SPAG9: variants seen among roughly 807,000 people sequenced by gnomAD.
SPAG9 encodes C-Jun-amino-terminal kinase-interacting protein 4.
In SPAG9, 35 loss-of-function variants were observed where a neutral mutation model predicts 166.5. That is an observed-to-expected ratio of 0.21 (90% CI 0.16 to 0.28). The LOEUF (loss-of-function observed/expected upper bound fraction) is 0.28, where lower values mean the gene tolerates loss of function less well. SPAG9 is among the 10% of genes least tolerant of loss of function. The pLI, the probability that SPAG9 is intolerant of heterozygous loss-of-function variation, is 1.00. For synonymous variants in SPAG9, 534 were observed against 565.5 expected (o/e 0.94, Z 0.79); for missense variants, 1,235 against 1,603.3 (o/e 0.77, Z 3.92).
intron 12 of SPAG9, 32 bp downstream of exon 12, chr17:51,005,180 G>A (rs774429246): frequency 1.3e-5 from 20 of 1,597,408 alleles, no homozygotes; most frequent in Non-Finnish European, 1.6e-5. Context: ...ACATGGTAAG[G>A]TAAGAAAAAA....
At chr17:51,067,164 C>T (rs979235815) in intron 2 of SPAG9, among the ~76,000 whole-genome samples, 1 of 151,940 alleles carries the variant, frequency 6.6e-6, no homozygotes, top group Non-Finnish European at 1.5e-5. Flanking sequence ...CACACATACA[C>T]CAAGATCAAA....
chr17:51,035,329 A>C (rs1014658296), intron 5 of SPAG9, among the ~76,000 whole-genome samples: 1 of 152,212 alleles, frequency 6.6e-6, no homozygotes, highest in African/African-American at 2.4e-5. Flanking sequence ...TGCTGCGTGA[A>C]GGGTATATGG....
intron 6 of SPAG9, among the ~76,000 whole-genome samples, chr17:51,024,687 T>C (rs2046083859): frequency 6.9e-6 from 1 of 144,920 alleles, no homozygotes; most frequent in Non-Finnish European, 1.5e-5. Flanking sequence ...CACTCCAGTC[T>C]GGGCAAAAAG....
At chr17:51,073,223 G>A (rs991296525) in intron 2 of SPAG9, among the ~76,000 whole-genome samples, 3 of 151,992 alleles carry the variant, frequency 2.0e-5, no homozygotes, top group African/African-American at 7.3e-5. Flanking sequence ...AGCTACTCGG[G>A]AGGCTGAGGC....
intron 1 of SPAG9, among the ~76,000 whole-genome samples, chr17:51,098,734 C>T (rs1272128082): frequency 6.6e-5 from 10 of 151,828 alleles, no homozygotes; most frequent in Admixed American, 6.6e-5. Context: ...TCAGGTGATC[C>T]GCCCCCCTCG....
At chr17:51,069,031 T>G (rs989265354) in intron 2 of SPAG9, among the ~76,000 whole-genome samples, 4 of 152,170 alleles carry the variant, frequency 2.6e-5, no homozygotes, top group Non-Finnish European at 4.4e-5. Flanking sequence ...ACAGCTGATA[T>G]ATATTGTTTA....
chr17:51,119,498 G>C (rs933985497), intron 1 of SPAG9, among the ~76,000 whole-genome samples: 3 of 152,124 alleles, frequency 2.0e-5, no homozygotes, highest in Non-Finnish European at 4.4e-5. Context: ...AACTCCAAAA[G>C]GTTCACAGAG....
intron 29 of SPAG9, among the ~76,000 whole-genome samples, chr17:50,970,173 C>T (rs983600094): frequency 6.6e-5 from 10 of 152,210 alleles, no homozygotes; most frequent in African/African-American, 2.4e-4. Context: ...ACATTGACCA[C>T]ATCCTGCTAT....
intron 1 of SPAG9, among the ~76,000 whole-genome samples, chr17:51,082,268 G>A (rs986304091): frequency 6.6e-6 from 1 of 151,402 alleles, no homozygotes; most frequent in Non-Finnish European, 1.5e-5. Flanking sequence ...CCAGCTACTC[G>A]GGAGGCTGAG....
chr17:51,048,271 C>T (rs2047086129), intron 3 of SPAG9, among the ~76,000 whole-genome samples: 1 of 151,708 alleles, frequency 6.6e-6, no homozygotes, highest in Admixed American at 6.6e-5. Context: ...TTTAAAAAGC[C>T]TAAATTTGGA....
intron 21 of SPAG9, among the ~76,000 whole-genome samples, chr17:50,989,020 T>C (rs563899295): frequency 5.3e-5 from 8 of 150,008 alleles, no homozygotes; most frequent in African/African-American, 2.0e-4. Context: ...GAATTACTTA[T>C]AGAATGGAAG....
chr17:51,053,855 GTATATATATATA>G (rs1161592026), intron 3 of SPAG9, among the ~76,000 whole-genome samples: 797 of 37,718 alleles, frequency 0.021, 30 homozygotes, highest in South Asian at 0.084. Context: ...AAAAAAAAAA[GTATATATATATA>G]TATATATATA....
At chr17:51,084,645 G>C (rs2048258007) in intron 1 of SPAG9, among the ~76,000 whole-genome samples, 1 of 152,112 alleles carries the variant, frequency 6.6e-6, no homozygotes, top group Admixed American at 6.6e-5. Flanking sequence ...CTGACCTCAA[G>C]CGATCTGCCT....
chr17:51,053,854 AGTATATATATATATAT>A (rs1404960616), intron 3 of SPAG9, among the ~76,000 whole-genome samples: 157 of 34,440 alleles, frequency 4.6e-3, no homozygotes, highest in African/African-American at 0.023. Context: ...AAAAAAAAAA[AGTATATATATATATAT>A]ATATATATAT....
intron 6 of SPAG9, among the ~76,000 whole-genome samples, chr17:51,022,376 GA>G (rs1201837900): frequency 2.6e-5 from 4 of 152,080 alleles, no homozygotes; most frequent in African/African-American, 9.7e-5. Flanking sequence ...CATACTCATT[GA>G]AATTTGATCA....
At chr17:51,021,507 G>A (rs188370569) in intron 6 of SPAG9, 142 bp from the exon 7 acceptor site, 19 of 617,314 alleles carry the variant, frequency 3.1e-5, no homozygotes, top group Admixed American at 6.1e-5. Flanking sequence ...ACTGATTACC[G>A]GTAAGTACTC....
intron 6 of SPAG9, among the ~76,000 whole-genome samples, chr17:51,025,922 TAAAC>T (rs1373501933): frequency 6.6e-6 from 1 of 152,058 alleles, no homozygotes; most frequent in Non-Finnish European, 1.5e-5. Flanking sequence ...AAATATAAAA[TAAAC>T]AGTCTGTATT....
At chr17:50,986,058 A>G (rs1049421364) in intron 22 of SPAG9, among the ~76,000 whole-genome samples, 3 of 152,250 alleles carry the variant, frequency 2.0e-5, no homozygotes, top group Non-Finnish European at 4.4e-5. Flanking sequence ...TCCTTGGGCA[A>G]AACTCTTTTT....
At chr17:50,975,030 T>C in intron 27 of SPAG9, 83 bp from the exon 28 acceptor site, 1 of 1,311,572 alleles carries the variant, frequency 7.6e-7, no homozygotes, top group East Asian at 2.5e-5. Flanking sequence ...ATCCTTATGA[T>C]ATTATCTAAA....
Sources: allele counts gnomAD v4.1 joint callset (sites outside exome capture counted in the v4.1 genomes callset), GRCh38; gene constraint gnomAD v4.1.1; transcripts MANE v1.5; gene names NCBI Gene and HGNC (gene_info 2026-07-23, HGNC 2026-07-21).